SAMD5: variants seen among roughly 807,000 people sequenced by gnomAD.
SAMD5 encodes the protein sterile alpha motif domain containing 5.
A neutral mutation model predicts 11.3 loss-of-function variants in SAMD5; 13 were observed. The observed-to-expected ratio is 1.15, with a 90% CI of 0.75 to 1.83. SAMD5 has a LOEUF of 1.83. SAMD5 is among the 40% of genes most tolerant of loss of function. SAMD5 has a pLI of 0.00. For missense variants in SAMD5, 255 were observed against 239.1 expected (o/e 1.07, Z -0.44); for synonymous variants, 129 against 111.3 (o/e 1.16, Z -1.00).
chr6:147,725,387 CTT>C (rs10711772), intron 1 of SAMD5, among the ~76,000 whole-genome samples: 65,139 of 119,010 alleles, frequency 0.55, 15,972 homozygotes, highest in Middle Eastern at 0.63. Context: ...ACTGACCTGG[CTT>C]TTTTTTTTTT....
chr6:147,853,137 C>A, the SAMD5 span, among the ~76,000 whole-genome samples: 1 of 152,102 alleles, frequency 6.6e-6, no homozygotes, highest in Admixed American at 6.6e-5. Flanking sequence ...TGAAGCAGTG[C>A]TCTCTGACAG....
At chr6:147,783,042 G>T in the SAMD5 span, among the ~76,000 whole-genome samples, 2 of 152,074 alleles carry the variant, frequency 1.3e-5, no homozygotes, top group Non-Finnish European at 2.9e-5. Context: ...GATGACTGGG[G>T]ACTTCTCATT....
intron 1 of SAMD5, among the ~76,000 whole-genome samples, chr6:147,679,271 T>G (rs1474799648): frequency 6.6e-6 from 1 of 152,174 alleles, no homozygotes; most frequent in African/African-American, 2.4e-5. Flanking sequence ...GTATTCAGAC[T>G]GCAGAGTATG....
At chr6:147,924,945 C>A in the SAMD5 span, among the ~76,000 whole-genome samples, 2 of 151,980 alleles carry the variant, frequency 1.3e-5, no homozygotes, top group African/African-American at 4.8e-5. Flanking sequence ...ATTGACTAAC[C>A]ATTAAGAGAG....
chr6:147,857,599 T>C, the SAMD5 span, among the ~76,000 whole-genome samples: 9,759 of 152,036 alleles, frequency 0.064, 537 homozygotes, highest in African/African-American at 0.11. Context: ...TCTGCCAATA[T>C]AGGTAGGTTT....
the SAMD5 span, among the ~76,000 whole-genome samples, chr6:147,876,142 C>G: frequency 6.6e-6 from 1 of 152,212 alleles, no homozygotes; most frequent in African/African-American, 2.4e-5. Flanking sequence ...GCTGAAAGCT[C>G]TGCTGTTGCC....
At chr6:147,546,407 G>A (rs1788686502) in intron 1 of SAMD5, among the ~76,000 whole-genome samples, 2 of 152,104 alleles carry the variant, frequency 1.3e-5, no homozygotes, top group Non-Finnish European at 2.9e-5. Context: ...GCGCATGCCT[G>A]TAATCTCAGC....
intron 1 of SAMD5, among the ~76,000 whole-genome samples, chr6:147,519,417 A>C (rs1788218880): frequency 6.6e-6 from 1 of 152,206 alleles, no homozygotes; most frequent in Non-Finnish European, 1.5e-5. Context: ...TAAAGTATTA[A>C]AATTTAGTAA....
the SAMD5 span, among the ~76,000 whole-genome samples, chr6:147,810,188 A>G: frequency 6.6e-6 from 1 of 152,216 alleles, no homozygotes; most frequent in Non-Finnish European, 1.5e-5. Context: ...CATTAGTTAT[A>G]ATCACGTAAC....
chr6:147,670,643 A>G (rs1790782255), intron 1 of SAMD5, among the ~76,000 whole-genome samples: 1 of 152,204 alleles, frequency 6.6e-6, no homozygotes, highest in Non-Finnish European at 1.5e-5. Context: ...TTCATGAACC[A>G]ACATTTCCTA....
the SAMD5 span, among the ~76,000 whole-genome samples, chr6:147,907,219 G>A: frequency 6.6e-6 from 1 of 152,160 alleles, no homozygotes; most frequent in Non-Finnish European, 1.5e-5. Flanking sequence ...GTCTGGCAGG[G>A]TACATTGGCT....
chr6:147,684,198 TG>T (rs773338833), intron 1 of SAMD5, among the ~76,000 whole-genome samples: 3 of 152,284 alleles, frequency 2.0e-5, no homozygotes, highest in South Asian at 2.1e-4. Flanking sequence ...TGGATTTCAA[TG>T]GTCTGTATTT....
chr6:147,636,796 C>T (rs1275936145), intron 1 of SAMD5, among the ~76,000 whole-genome samples: 1 of 152,168 alleles, frequency 6.6e-6, no homozygotes, highest in Non-Finnish European at 1.5e-5. Context: ...TGATCTAAAC[C>T]CTTGATGAAC....
intron 1 of SAMD5, among the ~76,000 whole-genome samples, chr6:147,534,419 C>G (rs1330502641): frequency 6.6e-6 from 1 of 152,152 alleles, no homozygotes; most frequent in Admixed American, 6.5e-5. Context: ...AGGGCTTTAC[C>G]TTGCCTGCTG....
chr6:147,540,940 T>G (rs925920109), intron 1 of SAMD5, among the ~76,000 whole-genome samples: 4 of 136,368 alleles, frequency 2.9e-5, no homozygotes, highest in Non-Finnish European at 6.3e-5. Flanking sequence ...CGCGTTTTTT[T>G]TTTTTTTTTT....
chr6:147,537,592 A>T (rs1372462950), intron 1 of SAMD5, among the ~76,000 whole-genome samples: 1 of 106,854 alleles, frequency 9.4e-6, no homozygotes, highest in African/African-American at 3.4e-5. Context: ...CTCTACTAAA[A>T]ATACAAAAAA....
the SAMD5 span, among the ~76,000 whole-genome samples, chr6:147,752,374 T>G: frequency 6.6e-6 from 1 of 152,224 alleles, no homozygotes; most frequent in Non-Finnish European, 1.5e-5. Flanking sequence ...TAAAACCTAA[T>G]AATAGGAATT....
At chr6:147,651,092 G>T (rs1266474084) in intron 1 of SAMD5, among the ~76,000 whole-genome samples, 2 of 152,146 alleles carry the variant, frequency 1.3e-5, no homozygotes, top group Non-Finnish European at 2.9e-5. Context: ...ACATTTGTCT[G>T]GAAGATATAA....
rs193204156 is a variant in SAMD5, at chr6:147,641,067, A to G, written c.163-96250A>G. On this transcript the variant is annotated intron_variant, in intron 1 of 1. Transcript: ENST00000566741. ...CTTTAACATCCAGTAGACGTTAACA[A>G]TGGTTGGACACTGATGGATAGTGAT... Among the ~76,000 whole-genome samples the G allele has an allele frequency of 1.6e-4, 24 of 152,338 alleles. No homozygotes were observed. In the East Asian group the frequency reaches 4.2e-3, roughly 27 times the overall value.
Sources: gnomAD v4.1 joint callset for allele counts (sites outside exome capture counted in the v4.1 genomes callset) on GRCh38, gnomAD v4.1.1 for gene constraint, MANE v1.5 for transcripts, NCBI Gene and HGNC (gene_info 2026-07-23, HGNC 2026-07-21) for gene names.